Variants in PIWIL3 observed in about 807,000 individuals in gnomAD.
The protein encoded by PIWIL3 is piwi like RNA-mediated gene silencing 3.
A neutral mutation model predicts 109.7 loss-of-function variants in PIWIL3; 101 were observed. That is an observed-to-expected ratio of 0.92 (90% CI 0.78 to 1.09). PIWIL3 has a LOEUF of 1.09. Ranked by LOEUF, PIWIL3 falls within the 50% of genes least tolerant of loss-of-function variation. The pLI is 0.00. For synonymous variants in PIWIL3, 373 were observed against 376.4 expected (o/e 0.99, Z 0.10); for missense variants, 1,031 against 1,072.6 (o/e 0.96, Z 0.54).
At chr22:24,720,715 G>A (rs184883101) in intron 19 of PIWIL3, among the ~76,000 whole-genome samples, 6 of 152,188 alleles carry the variant, frequency 3.9e-5, no homozygotes, top group Admixed American at 2.6e-4. Context: ...CCTGCCTTAT[G>A]TTAGATTGAT....
rs533839772 is a variant in PIWIL3, at chr22:24,735,703, C to T, written c.1634+5G>A. 1 of 1,580,278 alleles carries T rather than the reference C, an allele frequency of 6.3e-7. No homozygotes were observed. The highest frequency in any genetic ancestry group is 1.4e-5 in the African/African-American group (1 of 73,174). On this transcript the variant is annotated splice_donor_5th_base_variant and intron_variant, in intron 13 of 20. Transcript: ENST00000616349. The stretch of plus-strand genomic sequence containing the variant: ...TTTTCAAATGGGAATTTCTGCTCTA[C>T]TTACATTTCTGCTGGTTTCATAGTT...
chr22:24,735,833 A>G lies in PIWIL3; in HGVS notation c.1509T>C (p.Asn503=). The G allele has an allele frequency of 6.2e-7, 1 of 1,613,456 alleles. No individual in the cohort carries two copies. The highest frequency in any genetic ancestry group is 1.1e-5 in the South Asian group (1 of 90,906). ...SREIRELPLL[N]AMPLHSWLIL... ...TGAGCCAACTATGTAGTGGCATTGC[A>G]TTAAGTAAGGGTAATTCTCTTATTT... Residue 503 remains asparagine (N), a synonymous_variant, in exon 13 of 21, where the codon AAT becomes AAC. Coordinates refer to ENST00000616349, the MANE Select transcript of PIWIL3 (RefSeq NM_001255975.1).
intron 14 of PIWIL3, among the ~76,000 whole-genome samples, chr22:24,733,827 C>T (rs1242565748): frequency 1.3e-5 from 2 of 152,120 alleles, no homozygotes; most frequent in African/African-American, 4.8e-5. Flanking sequence ...CACTACTTTA[C>T]ATTTGTATGG....
In PIWIL3 at chr22:24,754,095, T is replaced by G. The variant is rs1924869939; in HGVS notation, c.896A>C (p.Lys299Thr). The G allele has an allele frequency of 2.5e-6, 4 of 1,613,226 alleles. No individual in the cohort carries two copies. Among genetic ancestry groups the G allele is most frequent in the African/African-American group, 1.3e-5 (1 of 74,914 alleles). The change falls in exon 8 of 21, where the codon AAG becomes ACG. Residue 299 changes from lysine to threonine, a missense_variant. Coordinates refer to ENST00000616349, the MANE Select transcript of PIWIL3 (RefSeq NM_001255975.1). ...LRIETAYDFIKRTSAQAQTGN... is the reference protein window; with the variant it reads ...LRIETAYDFITRTSAQAQTGN... ...TGTCTGGGCCTGGGCAGATGTTCTC[T>G]TTATGAAATCATAAGCAGTTTCTAT...
intron 12 of PIWIL3, among the ~76,000 whole-genome samples, chr22:24,746,035 GAACT>G (rs1355962363): frequency 6.6e-6 from 1 of 152,120 alleles, no homozygotes; most frequent in Non-Finnish European, 1.5e-5. Context: ...ATTTAAAGAA[GAACT>G]AATACCAATC....
chr22:24,766,116 G>T (rs1925772564), intron 1 of PIWIL3, among the ~76,000 whole-genome samples: 1 of 151,594 alleles, frequency 6.6e-6, no homozygotes, highest in South Asian at 2.1e-4. Context: ...CTCCAGAGTA[G>T]CTGGAACTGC....
intron 19 of PIWIL3, among the ~76,000 whole-genome samples, chr22:24,722,271 A>T (rs1320969016): frequency 6.6e-6 from 1 of 151,994 alleles, no homozygotes; most frequent in Middle Eastern, 3.2e-3. Context: ...TTTAGTGGAG[A>T]CGAGGTTTCA....
chr22:24,754,811 T>C lies in PIWIL3; in HGVS notation c.746A>G (p.Lys249Arg). ...EQVGRNYYTK[K>R]KAIQLYRHGT... ...ATGACGGTATAACTGAATGGCCTTC[T>C]TTTTGGTATAATAGTTGCGACCAAC... is the stretch of plus-strand genomic sequence containing the variant. The change falls in exon 7 of 21, where the codon AAG (lysine) becomes AGG (arginine). Residue 249 changes from lysine (K) to arginine (R), a missense_variant. Transcript: ENST00000616349. 3 of 1,611,884 alleles carry C rather than the reference T, an allele frequency of 1.9e-6. No homozygotes were observed. Among genetic ancestry groups the C allele is most frequent in the Middle Eastern group, 3.3e-4 (2 of 6,056 alleles).
At chr22:24,750,591 C>A (rs1924650035) in intron 9 of PIWIL3, among the ~76,000 whole-genome samples, 1 of 149,782 alleles carries the variant, frequency 6.7e-6, no homozygotes, top group Non-Finnish European at 1.5e-5. Context: ...CGGGTCCAAG[C>A]AATTCTCCTG....
chr22:24,760,780 C>CAAAAA lies in PIWIL3; in HGVS notation c.103-796_103-792dup, dbSNP rs61469163. ...GGGCAACAAGAGCGAAACTCTGTCT[C>CAAAAA]AAAAAAAAAAAAAAAAAAAAAAAGC... On this transcript the variant is annotated intron_variant, in intron 2 of 20. Coordinates refer to ENST00000616349, the MANE Select transcript of PIWIL3 (RefSeq NM_001255975.1). 2.1e-3 allele frequency among the ~76,000 whole-genome samples: 85 copies of CAAAAA among 41,026 alleles called. 7 individuals are homozygous for CAAAAA. The highest frequency in any genetic ancestry group is 4.9e-3 in the African/African-American group (52 of 10,650). 26.9% of individuals were successfully genotyped at this position (41,026 alleles called of 152,430 possible).
At chr22:24,763,454 C>T (rs1312578373) in intron 1 of PIWIL3, among the ~76,000 whole-genome samples, 1 of 152,086 alleles carries the variant, frequency 6.6e-6, no homozygotes, top group African/African-American at 2.4e-5. Context: ...GCTCGTGCCA[C>T]CACGCCTGGC....
chr22:24,750,820 C>T (rs1480475593), intron 9 of PIWIL3, among the ~76,000 whole-genome samples: 3 of 150,188 alleles, frequency 2.0e-5, no homozygotes, highest in African/African-American at 7.3e-5. Context: ...AACCCAACCA[C>T]ATTTAAAAAA....
chr22:24,770,472 G>C (rs1385396286), intron 1 of PIWIL3, among the ~76,000 whole-genome samples: 1 of 151,814 alleles, frequency 6.6e-6, no homozygotes, highest in South Asian at 2.1e-4. Context: ...CTTGTACCAT[G>C]GTAGCTTATC....
chr22:24,749,321 G>A (rs1029915529), intron 11 of PIWIL3, 83 bp downstream of exon 11: 4 of 1,548,424 alleles, frequency 2.6e-6, no homozygotes, highest in Non-Finnish European at 3.5e-6. Flanking sequence ...AGAAGAATCT[G>A]ACATGCCAGG....
In PIWIL3 at chr22:24,755,601, GCCACTGAACTTGCATATT is replaced by G. The variant is rs530510294; in HGVS notation, c.692+165_692+182del. On this transcript the variant is annotated intron_variant, in intron 6 of 20. Coordinates refer to ENST00000616349, the MANE Select transcript of PIWIL3 (RefSeq NM_001255975.1). Reference sequence around the variant, plus strand: ...GCCAGGAGAAGAACATTGAGGATAAGCCACTGAACTTGCATATTCCAGTTGAGCCTCAAGTATCATTTC... The same window carrying G: ...GCCAGGAGAAGAACATTGAGGATAAGCCAGTTGAGCCTCAAGTATCATTTC... Among the ~76,000 whole-genome samples, 29 of 152,260 alleles carry G rather than the reference GCCACTGAACTTGCATATT, an allele frequency of 1.9e-4. No homozygotes were observed. In the South Asian group the frequency reaches 5.6e-3, roughly 29 times the overall value.
Position 24,749,784 on chromosome 22 carries a change from T to G in PIWIL3, c.1125A>C (p.Pro375=). The G allele has an allele frequency of 6.2e-7, 1 of 1,613,922 alleles. No individual in the cohort carries two copies. The highest frequency in any genetic ancestry group is 1.7e-4 in the Middle Eastern group (1 of 6,060). The change falls in exon 10 of 21, where the codon CCA becomes CCC. Residue 375 remains proline, a synonymous_variant. Coordinates refer to ENST00000616349, the MANE Select transcript of PIWIL3 (RefSeq NM_001255975.1). ...HKEIVTVKKQ[P]LLVSQGRWKK... ...TCCATCTGCCCTGGCTGACCAAAAG[T>G]GGCTGTTTCTTCACTGTGACAATTT...
chr22:24,722,467 C>T (rs1008581193), intron 19 of PIWIL3, among the ~76,000 whole-genome samples: 3 of 151,862 alleles, frequency 2.0e-5, no homozygotes, highest in South Asian at 2.1e-4. Context: ...AATCCCAGCA[C>T]TTTGGGCCAC....
In PIWIL3 at chr22:24,760,007, T is replaced by C. The variant is rs764942818; in HGVS notation, c.103-18A>G. 13 of 1,613,510 alleles carry C rather than the reference T, an allele frequency of 8.1e-6. No homozygotes were observed. In the Admixed American group the frequency reaches 1.7e-4, roughly 21 times the overall value. ...TCCTGGGTCTGCATGTTTTTGGAAA[T>C]AGAAATAATGAGCAGTGCCCTACTG... On this transcript the variant is annotated intron_variant, in intron 2 of 20. Transcript: ENST00000616349.
chr22:24,772,311 A>C (rs1926177067), intron 1 of PIWIL3, among the ~76,000 whole-genome samples: 1 of 152,224 alleles, frequency 6.6e-6, no homozygotes, highest in African/African-American at 2.4e-5. Flanking sequence ...AAGTCTGCAT[A>C]ATAGGAGCTC....
Sources: allele counts gnomAD v4.1 joint callset (sites outside exome capture counted in the v4.1 genomes callset), GRCh38; gene constraint gnomAD v4.1.1; transcripts MANE v1.5; gene names NCBI Gene and HGNC (gene_info 2026-07-23, HGNC 2026-07-21).